The following ZNF736 variants were observed in gnomAD, a reference collection of about 807,000 sequenced individuals.
ZNF736 encodes zinc finger protein 736, also known as KRAB-containing zinc-finger repressor protein.
In ZNF736, 6 loss-of-function variants were observed where a neutral mutation model predicts 11.7. The ratio of observed to expected loss-of-function variants is 0.51; its 90% confidence interval spans 0.28 to 1.01. ZNF736 has a LOEUF of 1.01. Ranked by LOEUF, ZNF736 falls within the 50% of genes least tolerant of loss-of-function variation. The pLI, the probability that ZNF736 is intolerant of heterozygous loss-of-function variation, is 0.09. For missense variants in ZNF736, 444 were observed against 496.0 expected, an observed-to-expected ratio of 0.90 and a Z score of 1.00; for synonymous variants, 139 against 164.7, an observed-to-expected ratio of 0.84 and a Z score of 1.19.
At position 64,348,003 on chromosome 7, in the gene ZNF736, G is replaced by A. The variant is rs180964695; in HGVS notation, c.227-87G>A. ...ATAGAGCCTGTGGTATTTTATTATCGTTTTATTAATTGCTTTGTATAATTA... is the reference window on the plus strand; with the variant it reads ...ATAGAGCCTGTGGTATTTTATTATCATTTTATTAATTGCTTTGTATAATTA... On this transcript the variant is annotated intron_variant, in intron 3 of 3. Transcript: ENST00000423484. 1.1e-4 allele frequency: 119 copies of A among 1,131,820 alleles called. 1 individual carries two copies. In the Admixed American group the frequency reaches 1.4e-3, roughly 13 times the overall value. The allele number at this position is 1,131,820 out of a possible 1,614,324, so 70.1% of individuals were successfully genotyped here. A position where few individuals can be genotyped will look rare whatever the true frequency, so the allele number is the denominator to read the frequency against.
intron 1 of ZNF736, among the ~76,000 whole-genome samples, chr7:64,332,249 A>G (rs894269472): frequency 8.5e-5 from 13 of 152,082 alleles, no homozygotes; most frequent in Admixed American, 1.3e-4. Flanking sequence ...TCTATTTTCC[A>G]TAAGTGTCGG....
chr7:64,314,100 A>G lies in ZNF736; in HGVS notation c.-51A>G. On this transcript the variant is annotated 5_prime_UTR_variant, in exon 1 of 4. Transcript: ENST00000423484. ...TAGCTTCTGTTATCCTGTGACCTGC[A>G]GGTACTGGGAGATCCATAGGGAGGA... The G allele has an allele frequency of 6.4e-7, 1 of 1,551,340 alleles. No individual in the cohort carries two copies. Among genetic ancestry groups the G allele is most frequent in the Non-Finnish European group, 8.7e-7 (1 of 1,146,828 alleles).
intron 3 of ZNF736, among the ~76,000 whole-genome samples, chr7:64,343,180 G>GCAACTA (rs1399242711): frequency 1.3e-4 from 20 of 152,028 alleles, no homozygotes. Context: ...CATCAGAGGT[G>GCAACTA]GATTGGATAA....
At chr7:64,317,803 A>G (rs1271814258) in intron 1 of ZNF736, among the ~76,000 whole-genome samples, 1 of 151,998 alleles carries the variant, frequency 6.6e-6, no homozygotes, top group Non-Finnish European at 1.5e-5. Context: ...TATATCCATT[A>G]AGTTTACCTC....
intron 3 of ZNF736, among the ~76,000 whole-genome samples, chr7:64,345,123 A>C (rs940109180): frequency 2.0e-5 from 3 of 151,480 alleles, no homozygotes; most frequent in Admixed American, 6.6e-5. Flanking sequence ...TCCCTGGTTC[A>C]CACCATTCTT....
rs539379354 is a variant in ZNF736 at position 64,342,229 on chromosome 7, G to A, written c.226+5247G>A. On this transcript the variant is annotated intron_variant, in intron 3 of 3. Transcript: ENST00000423484. The stretch of plus-strand genomic sequence containing the variant: ...TGTTAGAGAGGAGTAGGGAGATTTG[G>A]TTAAGAGATTTGAGAGAGGCCCGGA... 1.0e-3 allele frequency among the ~76,000 whole-genome samples: 152 copies of A among 152,170 alleles called. 2 individuals carry two copies. Among genetic ancestry groups the A allele is most frequent in the African/African-American group, 3.5e-3 (146 of 41,532 alleles).
intron 1 of ZNF736, among the ~76,000 whole-genome samples, chr7:64,319,333 G>GTATGTATATATATATA (rs1788965551): frequency 2.8e-5 from 2 of 71,638 alleles, no homozygotes; most frequent in Non-Finnish European, 5.8e-5. Flanking sequence ...GTGTGTATGT[G>GTATGTATATATATATA]TATATATATA....
At chr7:64,326,257 G>A (rs1183331723) in intron 1 of ZNF736, among the ~76,000 whole-genome samples, 1 of 152,174 alleles carries the variant, frequency 6.6e-6, no homozygotes, top group Admixed American at 6.5e-5. Context: ...GTTCAGAGAG[G>A]CTTTTCTCTC....
In ZNF736 at chr7:64,335,455, T is replaced by G. The variant is rs141226636; in HGVS notation, c.4-804T>G. Among the ~76,000 whole-genome samples, 160 of 152,356 alleles carry G rather than the reference T, an allele frequency of 1.1e-3. No homozygotes were observed. The East Asian group carries it at 0.024, about 23-fold the overall frequency. On this transcript the variant is annotated intron_variant, in intron 1 of 3. Transcript: ENST00000423484. The stretch of plus-strand genomic sequence containing the variant: ...ATAATAGCACAGTAGTCTTGTATCC[T>G]TCTTTGTTAATCAGCACCTGATACA...
At chr7:64,315,667 A>C (rs1324498129) in intron 1 of ZNF736, among the ~76,000 whole-genome samples, 1 of 152,142 alleles carries the variant, frequency 6.6e-6, no homozygotes, top group Non-Finnish European at 1.5e-5. Flanking sequence ...TTAATGCTCC[A>C]CAGGGTCGTT....
At chr7:64,337,194 G>GTGTGTGTGTGTGT in intron 3 of ZNF736, 2 of 544,040 alleles carry the variant, frequency 3.7e-6, no homozygotes, top group East Asian at 3.1e-5. Context: ...AGTAATGTGT[G>GTGTGTGTGTGTGT]TGTGTGTGTT....
chr7:64,338,372 A>G (rs991535685), intron 3 of ZNF736, among the ~76,000 whole-genome samples: 1 of 152,220 alleles, frequency 6.6e-6, no homozygotes, highest in African/African-American at 2.4e-5. Context: ...AAAACAATTA[A>G]GATCTCTCAG....
chr7:64,341,666 A>AGAG (rs1789340502), intron 3 of ZNF736, among the ~76,000 whole-genome samples: 1 of 152,182 alleles, frequency 6.6e-6, no homozygotes, highest in Admixed American at 6.5e-5. Context: ...GACTCTATTA[A>AGAG]TCAGAACTTT....
chr7:64,317,370 A>T (rs1788932396), intron 1 of ZNF736, among the ~76,000 whole-genome samples: 1 of 152,210 alleles, frequency 6.6e-6, no homozygotes, highest in Admixed American at 6.5e-5. Context: ...AATAAAATGA[A>T]TGAAGCTGTT....
intron 3 of ZNF736, 113 bp downstream of exon 3, chr7:64,337,095 G>C: frequency 4.5e-6 from 4 of 892,684 alleles, no homozygotes; most frequent in Non-Finnish European, 6.9e-6. Flanking sequence ...AATGGTTTCT[G>C]AGAAACCTTC....
intron 1 of ZNF736, among the ~76,000 whole-genome samples, chr7:64,335,339 A>G (rs55822903): frequency 1.3e-5 from 2 of 152,156 alleles, no homozygotes; most frequent in Admixed American, 1.3e-4. Context: ...ATTACAGAAC[A>G]TGGGAGATAT....
intron 1 of ZNF736, among the ~76,000 whole-genome samples, chr7:64,328,488 C>T (rs551530689): frequency 2.6e-4 from 39 of 152,090 alleles, no homozygotes; most frequent in South Asian, 6.2e-4. Context: ...CGGCCGGGCG[C>T]GGTGGCTCAC....
At chr7:64,337,200 G>GT in intron 3 of ZNF736, 1 of 541,462 alleles carries the variant, frequency 1.8e-6, no homozygotes, top group Non-Finnish European at 3.2e-6. Flanking sequence ...GTGTGTGTGT[G>GT]TGTTGTGTGT....
chr7:64,354,795 G>T lies in ZNF736; in HGVS notation c.*5648G>T, dbSNP rs1789533600. ...TGAATCCAGTTTTTGTTTAGTTACT[G>T]TTCATTTTACTTTATAAAATTGACA... On this transcript the variant is annotated 3_prime_UTR_variant, in exon 4 of 4. Transcript: ENST00000423484. The T allele has an allele frequency of 6.6e-6, 1 of 152,058 alleles. No individual in the cohort carries two copies. Among genetic ancestry groups the T allele is most frequent in the Non-Finnish European group, 1.5e-5 (1 of 68,010 alleles). 9.4% of individuals were successfully genotyped at this position (152,058 alleles called of 1,614,324 possible).
Sources: allele counts gnomAD v4.1 joint callset (sites outside exome capture counted in the v4.1 genomes callset), GRCh38; gene constraint gnomAD v4.1.1; transcripts MANE v1.5; gene names NCBI Gene and HGNC (gene_info 2026-07-23, HGNC 2026-07-21).